Variants in ST6GAL2 observed in about 807,000 individuals in gnomAD.
ST6GAL2 encodes ST6 beta-galactoside alpha-2,6-sialyltransferase 2, also known as beta-galactoside alpha-2,6-sialyltransferase 2.
ST6GAL2 carries 24 observed loss-of-function variants against 37.5 expected under a neutral mutation model. The ratio of observed to expected loss-of-function variants is 0.64; its 90% CI spans 0.46 to 0.90. The LOEUF (loss-of-function observed/expected upper bound fraction) is 0.90, where lower values mean the gene tolerates loss of function less well. Ranked by LOEUF, ST6GAL2 falls within the 40% of genes least tolerant of loss-of-function variation. The pLI, the probability that ST6GAL2 is intolerant of heterozygous loss-of-function variation, is 0.00. For missense variants in ST6GAL2, 715 were observed against 712.7 expected, an observed-to-expected ratio of 1.00 and a Z score of -0.04; for synonymous variants, 306 against 295.1, an observed-to-expected ratio of 1.04 and a Z score of -0.38.
rs1314253657 is a variant in ST6GAL2, at chr2:106,801,766, G to A, written c.*4912C>T. 6.6e-6 allele frequency: 1 copy of A among 152,182 alleles called. No individual in the cohort carries two copies. Among genetic ancestry groups the A allele is most frequent in the Non-Finnish European group, 1.5e-5 (1 of 68,024 alleles). 9.4% of individuals were successfully genotyped at this position (152,182 alleles called of 1,614,324 possible). On this transcript the variant is annotated 3_prime_UTR_variant, in exon 6 of 6. Transcript: ENST00000409382. ...CTTCAAGCTTTAATTAGTTTGAAGA[G>A]TACACATTTCATTTTAAAAATTATC...
At chr2:106,830,677 C>T (rs1468607345) in intron 4 of ST6GAL2, among the ~76,000 whole-genome samples, 4 of 152,152 alleles carry the variant, frequency 2.6e-5, no homozygotes, top group South Asian at 2.1e-4. Flanking sequence ...GGCTAGATTT[C>T]GCCCATGGGT....
At chr2:106,847,083 C>T (rs1677174554) in intron 1 of ST6GAL2, among the ~76,000 whole-genome samples, 3 of 152,224 alleles carry the variant, frequency 2.0e-5, no homozygotes, top group Admixed American at 1.3e-4. Context: ...TCTAAATTTA[C>T]ACTCCCCAAA....
Position 106,843,412 on chromosome 2 carries a change from C to T in ST6GAL2, c.566G>A (p.Gly189Asp), listed in dbSNP as rs762019398. The T allele has an allele frequency of 1.2e-6, 2 of 1,614,014 alleles. No homozygotes were observed. Among genetic ancestry groups the T allele is most frequent in the African/African-American group, 2.7e-5 (2 of 74,932 alleles). ...RQRRSHVLEEGDDGDRLYSSM... is the reference protein window; with the variant it reads ...RQRRSHVLEEDDDGDRLYSSM... ...GGAGTACAGCCTGTCGCCGTCGTCG[C>T]CCTCCTCCAACACGTGGCTCCTTCT... Residue 189 changes from glycine to aspartate, a missense_variant, in exon 2 of 6, where the codon GGC becomes GAC. Transcript: ENST00000409382.
At chr2:106,820,385 A>C (rs76711309) in intron 5 of ST6GAL2, among the ~76,000 whole-genome samples, 1 of 152,020 alleles carries the variant, frequency 6.6e-6, no homozygotes, top group East Asian at 1.9e-4. Context: ...AAGACAAAGT[A>C]GGTCATTATA....
At position 106,834,086 on chromosome 2, in the gene ST6GAL2, A is replaced by G. The variant is rs775642020; in HGVS notation, c.1004T>C (p.Val335Ala). 15 of 1,613,816 alleles carry G rather than the reference A, an allele frequency of 9.3e-6. No homozygotes were observed. The Admixed American group carries it at 1.3e-4, about 14-fold the overall frequency. Residue 335 changes from valine (V) to alanine (A), a missense_variant, in exon 3 of 6, where the codon GTT (valine) becomes GCT (alanine). Val to Ala is a moderately conservative substitution (Grantham distance 64). Around this residue, in one of 3 missense-constraint regions of ST6GAL2, gnomAD observed 512 missense variants for 488.8 expected, o/e 1.05. Transcript: ENST00000409382. ...GATGCGTATGGTGGTTTTATTCCCA[A>G]CATCTTTCTCATAACCACGTGTAGG... is the stretch of plus-strand genomic sequence containing the variant. ...SAPTRGYEKD[V>A]GNKTTIRIIN...
At chr2:106,846,648 CT>C (rs1677155490) in intron 1 of ST6GAL2, among the ~76,000 whole-genome samples, 2 of 152,140 alleles carry the variant, frequency 1.3e-5, no homozygotes, top group African/African-American at 4.8e-5. Context: ...TAAATTGTGG[CT>C]TTTAAACTGT....
At chr2:106,878,660 T>C (rs981959178) in intron 1 of ST6GAL2, among the ~76,000 whole-genome samples, 13 of 152,134 alleles carry the variant, frequency 8.5e-5, no homozygotes, top group Non-Finnish European at 1.3e-4. Context: ...TTGTATTAGG[T>C]ACTATAAGTA....
intron 1 of ST6GAL2, among the ~76,000 whole-genome samples, chr2:106,854,796 G>T (rs1677508280): frequency 1.3e-5 from 2 of 151,816 alleles, no homozygotes; most frequent in African/African-American, 4.8e-5. Context: ...TTGCAAAAAT[G>T]TTATTTATGG....
At chr2:106,832,712 T>C (rs1308907267) in intron 3 of ST6GAL2, 46 bp from the exon 4 acceptor site, 1 of 1,248,796 alleles carries the variant, frequency 8.0e-7, no homozygotes, top group Admixed American at 1.7e-5. Flanking sequence ...GTTTGGTTTT[T>C]AAAAATTGCA....
At chr2:106,865,174 T>C (rs997001402) in intron 1 of ST6GAL2, among the ~76,000 whole-genome samples, 3 of 152,196 alleles carry the variant, frequency 2.0e-5, no homozygotes, top group Non-Finnish European at 4.4e-5. Context: ...CAGAAAGTGA[T>C]GAGTGTGAAG....
chr2:106,876,367 T>A (rs1678502940), intron 1 of ST6GAL2, among the ~76,000 whole-genome samples: 1 of 152,212 alleles, frequency 6.6e-6, no homozygotes, highest in African/African-American at 2.4e-5. Context: ...TCCTGGGGTT[T>A]TTATAACAAA....
intron 1 of ST6GAL2, among the ~76,000 whole-genome samples, chr2:106,846,056 GC>G (rs1677131856): frequency 1.3e-5 from 2 of 151,844 alleles, no homozygotes; most frequent in African/African-American, 4.8e-5. Context: ...AGCCATCCCA[GC>G]CATCCCAGCC....
intron 1 of ST6GAL2, among the ~76,000 whole-genome samples, chr2:106,862,986 GTCT>G (rs1287851526): frequency 1.5e-5 from 1 of 64,748 alleles, no homozygotes; most frequent in African/African-American, 4.7e-5. Flanking sequence ...TAATGTAAAT[GTCT>G]TTTTTTTTTT....
At chr2:106,812,653 G>A (rs932239836) in intron 5 of ST6GAL2, among the ~76,000 whole-genome samples, 5 of 152,140 alleles carry the variant, frequency 3.3e-5, no homozygotes, top group Non-Finnish European at 4.4e-5. Flanking sequence ...TCAAGCTGGC[G>A]GTGTTGTCTT....
chr2:106,866,313 A>T lies in ST6GAL2; in HGVS notation c.-58+19780T>A, dbSNP rs187579859. Among the ~76,000 whole-genome samples, 831 of 152,260 alleles carry T rather than the reference A, an allele frequency of 5.5e-3. 5 individuals carry two copies. The highest frequency in any genetic ancestry group is 0.018 in the African/African-American group (751 of 41,554). On this transcript the variant is annotated intron_variant, in intron 1 of 5. Transcript: ENST00000409382. ...CTCCTGCCACTGGCCTGAAGTTCTC[A>T]ATAACTCTGTCTTTGACTTTGTGTG...
intron 2 of ST6GAL2, among the ~76,000 whole-genome samples, chr2:106,835,472 T>C (rs937560469): frequency 6.6e-6 from 1 of 152,242 alleles, no homozygotes; most frequent in East Asian, 1.9e-4. Flanking sequence ...TTAAAAAAAT[T>C]CAAATTCCAG....
intron 1 of ST6GAL2, among the ~76,000 whole-genome samples, chr2:106,878,630 C>T (rs181253836): frequency 6.6e-6 from 1 of 152,302 alleles, no homozygotes; most frequent in East Asian, 1.9e-4. Flanking sequence ...ACCAGCGTAA[C>T]TGTTTAGATA....
At chr2:106,873,136 T>A (rs1281540437) in intron 1 of ST6GAL2, among the ~76,000 whole-genome samples, 1 of 152,224 alleles carries the variant, frequency 6.6e-6, no homozygotes, top group East Asian at 1.9e-4. Flanking sequence ...TAACCCTTCA[T>A]CTCTCTCCGT....
intron 1 of ST6GAL2, among the ~76,000 whole-genome samples, chr2:106,882,346 C>T (rs1573333112): frequency 6.6e-6 from 1 of 152,124 alleles, no homozygotes; most frequent in African/African-American, 2.4e-5. Flanking sequence ...GGTTCAAATC[C>T]CAGTTCTGCC....
Sources: gnomAD v4.1 joint callset for allele counts (sites outside exome capture counted in the v4.1 genomes callset) on GRCh38, gnomAD v4.1.1 for gene constraint, gnomAD v4.1.1 regional missense constraint, MANE v1.5 for transcripts, NCBI Gene and HGNC (gene_info 2026-07-23, HGNC 2026-07-21) for gene names.